Variants in NOTCH3 observed in about 807,000 individuals in gnomAD.
NOTCH3 encodes the protein neurogenic locus notch homolog protein 3.
In NOTCH3, 86 loss-of-function variants were observed where a neutral mutation model predicts 213.3. The observed-to-expected ratio is 0.40, with a 90% CI of 0.34 to 0.48. NOTCH3 has a LOEUF of 0.48. Among genes scored for constraint, NOTCH3 ranks in the 20% least tolerant of loss-of-function variants. NOTCH3 has a pLI of 0.57. For missense variants in NOTCH3, 2,783 were observed against 3,272.6 expected (o/e 0.85, Z 3.65); for synonymous variants, 1,354 against 1,355.9 (o/e 1.00, Z 0.03).
chr19:15,173,919 G>A lies in NOTCH3; in HGVS notation c.4736+149C>T, dbSNP rs913155581. ...ACCCCAGAAGCACTAGCTCCATCTG[G>A]AGGCATTTTTTGCTTGTCACAGCCA... is the stretch of plus-strand genomic sequence containing the variant. On this transcript the variant is annotated intron_variant, in intron 25 of 32. Coordinates refer to ENST00000263388, the MANE Select transcript of NOTCH3 (RefSeq NM_000435.3). 9 of 650,642 alleles carry A rather than the reference G, an allele frequency of 1.4e-5. No individual in the cohort carries two copies. The South Asian group carries it at 1.9e-4, about 14-fold the overall frequency. 40.3% of individuals were successfully genotyped at this position (650,642 alleles called of 1,614,324 possible).
Position 15,165,524 on chromosome 19 carries a change from G to A in NOTCH3, c.5668-9C>T, listed in dbSNP as rs375464998. On this transcript the variant is annotated splice_polypyrimidine_tract_variant and intron_variant, in intron 30 of 32. Coordinates refer to ENST00000263388, the MANE Select transcript of NOTCH3 (RefSeq NM_000435.3). The surrounding 1 kb of genome is among the most constrained non-coding windows in gnomAD (Gnocchi z 4.7). ...CGGTTTCGGATGAGAATCTAGGACA[G>A]AGAGTGGATGCAGCAGGAGGGGTCA... 14 of 1,610,616 alleles carry A rather than the reference G, an allele frequency of 8.7e-6. No individual in the cohort carries two copies. The African/African-American group carries it at 1.6e-4, about 18-fold the overall frequency.
intron 25 of NOTCH3, among the ~76,000 whole-genome samples, chr19:15,173,831 C>T (rs1373097375): frequency 1.3e-5 from 2 of 150,882 alleles, no homozygotes; most frequent in African/African-American, 4.9e-5. Flanking sequence ...TGTATTTAAC[C>T]ACTCTGCCAA....
At chr19:15,162,689 T>C (rs564646052) in intron 31 of NOTCH3, 127 bp from the exon 32 acceptor site, 6 of 722,856 alleles carry the variant, frequency 8.3e-6, no homozygotes, top group East Asian at 5.4e-5. Context: ...AATATCCAAG[T>C]ACTTGTGTCT....
At chr19:15,169,956 T>C (rs1382386452) in intron 28 of NOTCH3, 130 bp downstream of exon 28, 2 of 650,374 alleles carry the variant, frequency 3.1e-6, no homozygotes, top group African/African-American at 1.8e-5. Flanking sequence ...CTGGGACTAT[T>C]CTCTGGAGCT....
At chr19:15,188,015 A>C in intron 9 of NOTCH3, 21 bp from the exon 10 acceptor site, 1 of 1,536,556 alleles carries the variant, frequency 6.5e-7, no homozygotes, top group South Asian at 1.2e-5. Flanking sequence ...GAGTGGGATG[A>C]GCAGAGGCCC....
chr19:15,161,603 G>A lies in NOTCH3; in HGVS notation c.6025C>T (p.Arg2009Trp), dbSNP rs151322770. ...EITDHLDRLP[R>W]DVAQERLHQD... The stretch of plus-strand genomic sequence containing the variant: ...TGCAGTCTCTCCTGGGCTACGTCCC[G>A]CGGCAGCCTGTCCAGGTGGTCGGTG... The change falls in exon 33 of 33, where the codon CGG (arginine) becomes TGG (tryptophan). Residue 2009 changes from arginine to tryptophan, a missense_variant. Transcript: ENST00000263388. The A allele has an allele frequency of 3.2e-5, 51 of 1,612,524 alleles. No homozygotes were observed. The highest frequency in any genetic ancestry group is 2.0e-4 in the Admixed American group (12 of 59,778).
chr19:15,174,136 G>A lies in NOTCH3; in HGVS notation c.4668C>T (p.Phe1556=), dbSNP rs1176817066. ...RLDAHGQAMV[F]PYHRPSPGSE... ...AGCCAGGACTAGGCCGGTGGTAAGG[G>A]AAGACCATGGCCTGGCCGTGCGCGT... Residue 1556 remains phenylalanine, a synonymous_variant, in exon 25 of 33, where the codon TTC becomes TTT. Transcript: ENST00000263388. 3 of 1,607,538 alleles carry A rather than the reference G, an allele frequency of 1.9e-6. No homozygotes were observed. Among genetic ancestry groups the A allele is most frequent in the African/African-American group, 2.7e-5 (2 of 74,782 alleles).
In NOTCH3 at chr19:15,185,685, G is replaced by T; in HGVS notation, c.1952-6C>A. On this transcript the variant is annotated splice_region_variant and splice_polypyrimidine_tract_variant and intron_variant, in intron 12 of 32. Transcript: ENST00000263388. The surrounding 1 kb of genome is among the most constrained non-coding windows in gnomAD (Gnocchi z 4.2). ...CTCCACGTTACAAAGGGGCCCTGGG[G>T]AGTACACAAGCAATCTCATCTCAGA... is the stretch of plus-strand genomic sequence containing the variant. The T allele has an allele frequency of 6.2e-7, 1 of 1,612,742 alleles. No homozygotes were observed. The highest frequency in any genetic ancestry group is 1.1e-5 in the South Asian group (1 of 91,074).
Position 15,165,492 on chromosome 19 carries a change from T to C in NOTCH3, c.5691A>G (p.Thr1897=). Residue 1897 remains threonine (T), a synonymous_variant, in exon 31 of 33, where the codon ACA becomes ACG. Transcript: ENST00000263388. This position sits in a 1 kb window ranked among gnomAD's most constrained non-coding sequence, Gnocchi z 4.7. ...CATCTGCCATGCGGGCATCCAAGTC[T>C]GTAGAGCGGTTTCGGATGAGAATCT... ...VFQILIRNRS[T]DLDARMADGS... The C allele has an allele frequency of 6.2e-7, 1 of 1,612,778 alleles. No individual in the cohort carries two copies. The highest frequency in any genetic ancestry group is 8.5e-7 in the Non-Finnish European group (1 of 1,180,010).
At chr19:15,169,280 G>A (rs192408120) in intron 28 of NOTCH3, among the ~76,000 whole-genome samples, 90 of 152,074 alleles carry the variant, frequency 5.9e-4, no homozygotes, top group African/African-American at 2.1e-3. Context: ...GTGAGAAGGC[G>A]GCCATCTGCA....
chr19:15,163,417 T>TA (rs1242552426), intron 31 of NOTCH3, among the ~76,000 whole-genome samples: 5 of 152,220 alleles, frequency 3.3e-5, no homozygotes, highest in African/African-American at 1.2e-4. Context: ...ACTAAACATC[T>TA]AGAAGAAAAC....
At chr19:15,164,598 A>G (rs1198735597) in intron 31 of NOTCH3, among the ~76,000 whole-genome samples, 1 of 151,980 alleles carries the variant, frequency 6.6e-6, no homozygotes, top group Non-Finnish European at 1.5e-5. Context: ...ATGAACTAAA[A>G]CATTTACTTC....
rs71333358 is a variant in NOTCH3 at position 15,193,770 on chromosome 19, C to CAAAAA, written c.198-1256_198-1252dup. ...TGGTTGACAGAGGGAGACTCCATCT[C>CAAAAA]AAAAAAAAACAAAAAACAAAAAAAA... On this transcript the variant is annotated intron_variant, in intron 2 of 32. Coordinates refer to ENST00000263388, the MANE Select transcript of NOTCH3 (RefSeq NM_000435.3). Among the ~76,000 whole-genome samples, 9 of 27,676 alleles carry CAAAAA rather than the reference C, an allele frequency of 3.3e-4. 1 individual carries two copies. Among genetic ancestry groups the CAAAAA allele is most frequent in the African/African-American group, 1.3e-3 (7 of 5,334 alleles). 18.2% of individuals were successfully genotyped at this position (27,676 alleles called of 152,430 possible).
chr19:15,179,603 T>G, intron 20 of NOTCH3, 107 bp from the exon 21 acceptor site: 1 of 1,198,536 alleles, frequency 8.3e-7, no homozygotes, highest in Non-Finnish European at 1.2e-6. Flanking sequence ...CACACACAGA[T>G]GTTCAGCGCA....
chr19:15,180,237 C>G lies in NOTCH3; in HGVS notation c.3162G>C (p.Leu1054=). 1 of 1,613,662 alleles carries G rather than the reference C, an allele frequency of 6.2e-7. No individual in the cohort carries two copies. The highest frequency in any genetic ancestry group is 8.5e-7 in the Non-Finnish European group (1 of 1,180,008). Reference sequence around the variant, plus strand: ...CCACACACTGCCCACCCGCCTGACACAGCTGCTCCAGCCGCACCCCTGCAA... The same window carrying G: ...CCACACACTGCCCACCCGCCTGACAGAGCTGCTCCAGCCGCACCCCTGCAA... ...AAQIGVRLEQ[L]CQAGGQCVDE... The change falls in exon 20 of 33, where the codon CTG becomes CTC. Residue 1054 remains leucine, a synonymous_variant. Transcript: ENST00000263388.
chr19:15,182,309 C>A (rs2046847667), intron 16 of NOTCH3, among the ~76,000 whole-genome samples: 2 of 151,964 alleles, frequency 1.3e-5, no homozygotes, highest in East Asian at 1.9e-4. Context: ...GAGTTCGAGA[C>A]CAACCTGGGC....
intron 8 of NOTCH3, 24 bp from the exon 9 acceptor site, chr19:15,188,372 G>C: frequency 6.8e-7 from 1 of 1,461,440 alleles, no homozygotes; most frequent in Non-Finnish European, 9.5e-7. Context: ...TAGGGCTTAG[G>C]AAAGCGGGGG....
At position 15,192,301 on chromosome 19, in the gene NOTCH3, G is replaced by A; in HGVS notation, c.341-3C>T. 1 of 1,607,248 alleles carries A rather than the reference G, an allele frequency of 6.2e-7. No homozygotes were observed. Among genetic ancestry groups the A allele is most frequent in the East Asian group, 2.2e-5 (1 of 44,512 alleles). On this transcript the variant is annotated splice_region_variant and splice_polypyrimidine_tract_variant and intron_variant, in intron 3 of 32. Transcript: ENST00000263388. ...ATCTGGCAGGGAGCAGTCAGGGCCT[G>A]GAGGGACCAGGACAGGGTGAGTTTA...
At chr19:15,176,165 T>TC (rs1473176895) in intron 24 of NOTCH3, among the ~76,000 whole-genome samples, 2 of 148,488 alleles carry the variant, frequency 1.3e-5, no homozygotes, top group African/African-American at 5.0e-5. Context: ...AGCAATTTTT[T>TC]TTTTTTTTTT....
Sources: gnomAD v4.1 joint callset for allele counts (sites outside exome capture counted in the v4.1 genomes callset) on GRCh38, gnomAD v4.1.1 for gene constraint, Gnocchi (gnomAD v3.1) non-coding constraint, MANE v1.5 for transcripts, NCBI Gene and HGNC (gene_info 2026-07-23, HGNC 2026-07-21) for gene names.